The following CCDC171 variants were observed in gnomAD, a reference collection of about 807,000 sequenced individuals.
The protein encoded by CCDC171 is coiled-coil domain containing 171.
CCDC171 carries 177 observed loss-of-function variants against 168.2 expected under a neutral mutation model. The ratio of observed to expected loss-of-function variants is 1.05; its 90% CI spans 0.93 to 1.19. The LOEUF (loss-of-function observed/expected upper bound fraction) is 1.19, where lower values mean the gene tolerates loss of function less well. Ranked by LOEUF, CCDC171 falls within the 50% of genes most tolerant of loss-of-function variation. The pLI is 0.00. For missense variants in CCDC171, 1,991 were observed against 1,539.0 expected (o/e 1.29, Z -4.91); for synonymous variants, 687 against 540.8 (o/e 1.27, Z -3.75).
chr9:15,632,348 A>G (rs1483151390), intron 7 of CCDC171, among the ~76,000 whole-genome samples: 3 of 152,048 alleles, frequency 2.0e-5, no homozygotes, highest in Admixed American at 6.6e-5. Context: ...TCAATGTACA[A>G]AAATCACAAG....
intron 3 of CCDC171, among the ~76,000 whole-genome samples, chr9:16,015,082 G>A (rs1042636606): frequency 6.6e-6 from 1 of 151,942 alleles, no homozygotes; most frequent in Admixed American, 6.6e-5. Flanking sequence ...TAACCTACAT[G>A]TTGTGCACAT....
intron 9 of CCDC171, among the ~76,000 whole-genome samples, chr9:15,672,023 C>T (rs2049152879): frequency 6.6e-6 from 1 of 152,158 alleles, no homozygotes; most frequent in South Asian, 2.1e-4. Context: ...TGTTTCCTGA[C>T]TTTTTAATGA....
intron 7 of CCDC171, among the ~76,000 whole-genome samples, chr9:15,625,282 T>C (rs1253433323): frequency 7.2e-5 from 11 of 152,228 alleles, no homozygotes; most frequent in Non-Finnish European, 1.5e-4. Flanking sequence ...TTCACTCTGA[T>C]GGTAGTTTCT....
intron 24 of CCDC171, chr9:15,883,103 A>C (rs964384107): frequency 5.1e-6 from 2 of 394,566 alleles, no homozygotes; most frequent in Admixed American, 5.5e-5. Flanking sequence ...ATCATAGCTC[A>C]CTGCAGTCTC....
At chr9:16,090,272 G>C in the CCDC171 span, among the ~76,000 whole-genome samples, 1 of 152,154 alleles carries the variant, frequency 6.6e-6, no homozygotes, top group African/African-American at 2.4e-5. Context: ...CCTTTGCAGG[G>C]ACATAAATGA....
chr9:15,590,015 A>G (rs1418671518), intron 4 of CCDC171, among the ~76,000 whole-genome samples: 1 of 152,244 alleles, frequency 6.6e-6, no homozygotes, highest in Non-Finnish European at 1.5e-5. Flanking sequence ...GGAAAGAAGT[A>G]GACCTACTGC....
chr9:15,727,011 A>G (rs1291362048), intron 14 of CCDC171, among the ~76,000 whole-genome samples: 1 of 152,186 alleles, frequency 6.6e-6, no homozygotes, highest in Non-Finnish European at 1.5e-5. Context: ...CTTTATATGA[A>G]TTCTGCAGCA....
At chr9:15,664,135 G>A (rs1372149413) in intron 8 of CCDC171, among the ~76,000 whole-genome samples, 3 of 152,112 alleles carry the variant, frequency 2.0e-5, no homozygotes, top group Non-Finnish European at 4.4e-5. Flanking sequence ...ATGGGGTTGA[G>A]GGATGAGCTA....
At chr9:15,760,123 G>GT (rs2135062364) in intron 18 of CCDC171, among the ~76,000 whole-genome samples, 1 of 152,168 alleles carries the variant, frequency 6.6e-6, no homozygotes, top group South Asian at 2.1e-4. Flanking sequence ...TGTACTTCTT[G>GT]TTTTTTGTTT....
chr9:15,677,722 A>G (rs980208437), intron 9 of CCDC171, among the ~76,000 whole-genome samples: 1 of 148,080 alleles, frequency 6.8e-6, no homozygotes, highest in African/African-American at 2.5e-5. Flanking sequence ...ATACATATAT[A>G]TTTTTTCTCC....
chr9:16,037,703 T>C lies in CCDC171; in HGVS notation n.1181+1497T>C, dbSNP rs1025162108. ...AAACTTCTAAAAGTAATAAATATTG[T>C]CATCAATTTTAACAGATTAGATATG... On this transcript the variant is annotated intron_variant and non_coding_transcript_variant, in intron 8 of 9. Coordinates refer to the CCDC171 transcript ENST00000486641. Among the ~76,000 whole-genome samples the C allele has an allele frequency of 2.6e-5, 4 of 152,230 alleles. No homozygotes were observed. The East Asian group carries it at 7.7e-4, about 29-fold the overall frequency.
At chr9:16,031,188 T>C (rs1219564802) in intron 6 of CCDC171, among the ~76,000 whole-genome samples, 1 of 152,214 alleles carries the variant, frequency 6.6e-6, no homozygotes, top group African/African-American at 2.4e-5. Context: ...AATAGGTTTT[T>C]CAGCCTGCAT....
At chr9:15,766,739 T>G (rs753883568) in intron 18 of CCDC171, among the ~76,000 whole-genome samples, 4 of 152,028 alleles carry the variant, frequency 2.6e-5, no homozygotes, top group Non-Finnish European at 4.4e-5. Context: ...CACTGCAGCT[T>G]CAAATTTCTG....
At chr9:15,925,436 G>T (rs1340339961) in intron 25 of CCDC171, among the ~76,000 whole-genome samples, 1 of 151,542 alleles carries the variant, frequency 6.6e-6, no homozygotes, top group South Asian at 2.1e-4. Flanking sequence ...AGGCGAGAGA[G>T]GTCTAATATA....
At chr9:15,849,084 G>A (rs753467384) in intron 23 of CCDC171, 137 bp downstream of exon 23, 1 of 509,414 alleles carries the variant, frequency 2.0e-6, no homozygotes, top group Non-Finnish European at 3.5e-6. Context: ...TAGATGACTG[G>A]AAATTTCCAT....
chr9:15,791,378 T>C (rs1444747659), intron 21 of CCDC171, among the ~76,000 whole-genome samples: 7 of 152,130 alleles, frequency 4.6e-5, no homozygotes, highest in Admixed American at 6.5e-5. Context: ...GGGAGTTCAC[T>C]CATGATTTGG....
At chr9:16,054,081 C>G (rs2133075577) in intron 1 of CCDC171, among the ~76,000 whole-genome samples, 1 of 152,258 alleles carries the variant, frequency 6.6e-6, no homozygotes, top group African/African-American at 2.4e-5. Flanking sequence ...GTTCAGCGCT[C>G]CTTTTAAAAG....
At chr9:15,676,051 C>G (rs923981927) in intron 9 of CCDC171, among the ~76,000 whole-genome samples, 1 of 152,136 alleles carries the variant, frequency 6.6e-6, no homozygotes, top group Non-Finnish European at 1.5e-5. Flanking sequence ...TCCCAGACTT[C>G]TTGGAGGCCT....
At chr9:15,592,690 G>A (rs1009366606) in intron 5 of CCDC171, among the ~76,000 whole-genome samples, 3 of 152,020 alleles carry the variant, frequency 2.0e-5, no homozygotes, top group African/African-American at 7.2e-5. Flanking sequence ...CCTTGGATGG[G>A]CCTGTATAAC....
Sources: gnomAD v4.1 joint callset for allele counts (sites outside exome capture counted in the v4.1 genomes callset) on GRCh38, gnomAD v4.1.1 for gene constraint, MANE v1.5 for transcripts, NCBI Gene and HGNC (gene_info 2026-07-23, HGNC 2026-07-21) for gene names.